LARP1B: variants seen among roughly 807,000 people sequenced by gnomAD.
LARP1B encodes the protein la-related protein 1B.
In LARP1B, 76 loss-of-function variants were observed where a neutral mutation model predicts 114.2. The observed-to-expected ratio is 0.67, with a 90% CI of 0.55 to 0.81. The LOEUF (loss-of-function observed/expected upper bound fraction) is 0.81, where lower values mean the gene tolerates loss of function less well. Among genes scored for constraint, LARP1B ranks in the 30% least tolerant of loss-of-function variants. The probability of loss-of-function intolerance (pLI) is 0.00; values close to 1 mark genes in which losing one functional copy is unlikely to be tolerated. For missense variants in LARP1B, 1,014 were observed against 1,075.8 expected, an observed-to-expected ratio of 0.94 and a Z score of 0.80; for synonymous variants, 345 against 348.0, an observed-to-expected ratio of 0.99 and a Z score of 0.10.
intron 8 of LARP1B, among the ~76,000 whole-genome samples, chr4:128,100,087 G>A (rs557806376): frequency 6.6e-6 from 1 of 151,896 alleles, no homozygotes; most frequent in Non-Finnish European, 1.5e-5. Context: ...AGCCTCCCAA[G>A]TATCTGGGAT....
chr4:128,185,314 T>C (rs1399548817), intron 15 of LARP1B, among the ~76,000 whole-genome samples: 2 of 152,178 alleles, frequency 1.3e-5, no homozygotes, highest in African/African-American at 4.8e-5. Context: ...AGCATTCTCC[T>C]TTCTCTGCAT....
intron 11 of LARP1B, among the ~76,000 whole-genome samples, chr4:128,140,186 G>T (rs562751751): frequency 4.1e-4 from 63 of 152,154 alleles, no homozygotes; most frequent in South Asian, 1.9e-3. Flanking sequence ...TGTTTGTATT[G>T]GCTGGCACTA....
At chr4:128,088,742 A>T (rs539847044) in intron 5 of LARP1B, among the ~76,000 whole-genome samples, 1 of 152,282 alleles carries the variant, frequency 6.6e-6, no homozygotes, top group South Asian at 2.1e-4. Context: ...TGTGTTTATA[A>T]AATTTTTTGT....
At chr4:128,214,500 C>T (rs1248828727), downstream of LARP1B, among the ~76,000 whole-genome samples, 1 of 152,010 alleles carries the variant, frequency 6.6e-6, no homozygotes, top group South Asian at 2.1e-4. Flanking sequence ...TGACCCCTGA[C>T]CCCCGAGCAG....
chr4:128,115,337 A>G (rs190857082), intron 10 of LARP1B, among the ~76,000 whole-genome samples: 193 of 152,308 alleles, frequency 1.3e-3, no homozygotes, highest in African/African-American at 4.4e-3. Flanking sequence ...CCAAGGCAGG[A>G]AGATTGCTTG....
intron 1 of LARP1B, among the ~76,000 whole-genome samples, chr4:128,067,727 T>G (rs1380517685): frequency 6.6e-6 from 1 of 152,090 alleles, no homozygotes; most frequent in Non-Finnish European, 1.5e-5. Context: ...TTTTTTTCTT[T>G]TTTTGAGATG....
At chr4:128,083,069 C>A (rs1448864161) in intron 5 of LARP1B, among the ~76,000 whole-genome samples, 2 of 151,976 alleles carry the variant, frequency 1.3e-5, no homozygotes, top group African/African-American at 4.8e-5. Flanking sequence ...ACATCTTGCA[C>A]CGCCCTTAAT....
chr4:128,167,666 C>T (rs1368426879), intron 12 of LARP1B, among the ~76,000 whole-genome samples: 1 of 151,904 alleles, frequency 6.6e-6, no homozygotes, highest in African/African-American at 2.4e-5. Flanking sequence ...CAGTAAGTTT[C>T]ACACCATTTA....
In LARP1B at chr4:128,094,909, G is replaced by A. The variant is rs575497596; in HGVS notation, c.669-3277G>A. Among the ~76,000 whole-genome samples the A allele has an allele frequency of 5.5e-4, 84 of 152,052 alleles. 1 individual carries two copies. The South Asian group carries it at 0.016, about 30-fold the overall frequency. Reference sequence around the variant, plus strand: ...TGGGATTACAGGCACGCAACACCATGGCCGACTAATTTTGTATTTTTAGTA... The same window carrying A: ...TGGGATTACAGGCACGCAACACCATAGCCGACTAATTTTGTATTTTTAGTA... On this transcript the variant is annotated intron_variant, in intron 7 of 19. Coordinates refer to ENST00000326639, the MANE Select transcript of LARP1B (RefSeq NM_018078.4).
At chr4:128,173,881 C>T (rs1744854496) in intron 12 of LARP1B, among the ~76,000 whole-genome samples, 1 of 152,142 alleles carries the variant, frequency 6.6e-6, no homozygotes, top group African/African-American at 2.4e-5. Context: ...AGAACAATTC[C>T]ATCATACTAA....
intron 6 of LARP1B, among the ~76,000 whole-genome samples, chr4:128,220,148 G>C (rs1759898310): frequency 6.6e-6 from 1 of 152,104 alleles, no homozygotes; most frequent in Non-Finnish European, 1.5e-5. Flanking sequence ...GCCTCCCAAA[G>C]TGCTGTGATT....
At chr4:128,076,754 C>T (rs1768072445) in intron 3 of LARP1B, among the ~76,000 whole-genome samples, 1 of 152,068 alleles carries the variant, frequency 6.6e-6, no homozygotes, top group African/African-American at 2.4e-5. Flanking sequence ...GAGACCGGGT[C>T]TCACTTTGTC....
chr4:128,097,298 T>TTTTTTTGTTTTGTTTTG (rs961388707), intron 7 of LARP1B, among the ~76,000 whole-genome samples: 6 of 151,988 alleles, frequency 3.9e-5, no homozygotes, highest in Non-Finnish European at 5.9e-5. Flanking sequence ...TTCACTAAGT[T>TTTTTTTGTTTTGTTTTG]TTTTTTGTTT....
At position 128,110,944 on chromosome 4, in the gene LARP1B, G is replaced by T. The variant is rs144617614; in HGVS notation, c.989-3626G>T. Among the ~76,000 whole-genome samples, 1,225 of 152,028 alleles carry T rather than the reference G, an allele frequency of 8.1e-3. 4 individuals are homozygous for T. The highest frequency in any genetic ancestry group is 0.014 in the Admixed American group (213 of 15,262). On this transcript the variant is annotated intron_variant, in intron 9 of 19. Transcript: ENST00000326639. The stretch of plus-strand genomic sequence containing the variant: ...TTATAAGAAGCATCTGAGTGTGGGG[G>T]TGTACACCTGTAGCCCAGCTACTTG...
intron 12 of LARP1B, among the ~76,000 whole-genome samples, chr4:128,174,735 G>C (rs1745185357): frequency 6.6e-6 from 1 of 151,784 alleles, no homozygotes; most frequent in Admixed American, 6.6e-5. Flanking sequence ...ATCTATTCCT[G>C]GTGTTCTATA....
chr4:128,191,331 T>C (rs1752202465), intron 15 of LARP1B, among the ~76,000 whole-genome samples: 1 of 152,250 alleles, frequency 6.6e-6, no homozygotes, highest in South Asian at 2.1e-4. Flanking sequence ...TGTACATTTG[T>C]GGCTTTGCTT....
intron 5 of LARP1B, among the ~76,000 whole-genome samples, chr4:128,084,781 A>G (rs1772729816): frequency 6.6e-6 from 1 of 152,152 alleles, no homozygotes; most frequent in African/African-American, 2.4e-5. Flanking sequence ...GTTTGATTAC[A>G]ACATTGATTA....
chr4:128,131,049 G>A (rs970190326), intron 11 of LARP1B, among the ~76,000 whole-genome samples: 2 of 152,216 alleles, frequency 1.3e-5, no homozygotes, highest in Non-Finnish European at 2.9e-5. Context: ...AATGGACAGA[G>A]CACAGGTTTT....
chr4:128,073,572 G>GGT (rs1766384506), intron 1 of LARP1B, among the ~76,000 whole-genome samples: 3 of 39,996 alleles, frequency 7.5e-5, no homozygotes, highest in Admixed American at 3.3e-4. Context: ...TATTGTTGTC[G>GGT]TTTTTTTTTT....
Sources: allele counts gnomAD v4.1 joint callset (sites outside exome capture counted in the v4.1 genomes callset), GRCh38; gene constraint gnomAD v4.1.1; transcripts MANE v1.5; gene names NCBI Gene and HGNC (gene_info 2026-07-23, HGNC 2026-07-21).